RAD51B: variants seen among roughly 807,000 people sequenced by gnomAD.
RAD51B encodes RAD51 paralog B.
In RAD51B, 38 loss-of-function variants were observed where a neutral mutation model predicts 42.2. That is an observed-to-expected ratio of 0.90 (90% CI 0.70 to 1.18). RAD51B has a LOEUF of 1.18. Ranked by LOEUF, RAD51B falls within the 50% of genes most tolerant of loss-of-function variation. RAD51B has a pLI of 0.00. For synonymous variants in RAD51B, 154 were observed against 145.2 expected (o/e 1.06, Z -0.43); for missense variants, 373 against 400.7 (o/e 0.93, Z 0.59).
At chr14:68,501,639 T>C (rs1004954278) in intron 10 of RAD51B, among the ~76,000 whole-genome samples, 1 of 152,192 alleles carries the variant, frequency 6.6e-6, no homozygotes, top group Non-Finnish European at 1.5e-5. Flanking sequence ...TGTTAACCCC[T>C]TGGACTGAGA....
At chr14:68,163,494 G>A (rs1230978584) in intron 7 of RAD51B, among the ~76,000 whole-genome samples, 1 of 152,074 alleles carries the variant, frequency 6.6e-6, no homozygotes, top group Admixed American at 6.6e-5. Flanking sequence ...TGCCTGTCGT[G>A]CCCATTTTTT....
chr14:68,489,981 G>A (rs1000034346), intron 10 of RAD51B, among the ~76,000 whole-genome samples: 13 of 152,200 alleles, frequency 8.5e-5, no homozygotes, highest in African/African-American at 2.9e-4. Context: ...CAGAGATGTG[G>A]TAGAGAAGTG....
chr14:68,403,630 C>T (rs902052189), intron 8 of RAD51B, among the ~76,000 whole-genome samples: 1 of 152,216 alleles, frequency 6.6e-6, no homozygotes, highest in Non-Finnish European at 1.5e-5. Context: ...AGCAGAGAGA[C>T]AGCTCCTTGC....
intron 10 of RAD51B, among the ~76,000 whole-genome samples, chr14:68,522,988 C>A (rs962147180): frequency 2.6e-5 from 4 of 152,258 alleles, no homozygotes; most frequent in African/African-American, 9.6e-5. Context: ...CAAAACAGTT[C>A]TCTGACAGCT....
chr14:68,631,213 G>A (rs1423403760), intron 10 of RAD51B, among the ~76,000 whole-genome samples: 1 of 152,242 alleles, frequency 6.6e-6, no homozygotes, highest in Non-Finnish European at 1.5e-5. Flanking sequence ...AAAGGCGGGT[G>A]TAGTTGGGAT....
chr14:68,003,875 T>A (rs1208916416), intron 7 of RAD51B, among the ~76,000 whole-genome samples: 3 of 152,178 alleles, frequency 2.0e-5, no homozygotes, highest in African/African-American at 7.2e-5. Context: ...TACTTGATTG[T>A]GGTGGATAAA....
At chr14:68,364,545 C>A (rs373403236) in intron 8 of RAD51B, among the ~76,000 whole-genome samples, 2 of 152,324 alleles carry the variant, frequency 1.3e-5, no homozygotes, top group East Asian at 3.9e-4. Context: ...CAGCCCCTTC[C>A]ACTCTCTTTT....
At chr14:68,265,286 T>A (rs2080968249) in intron 7 of RAD51B, among the ~76,000 whole-genome samples, 1 of 152,236 alleles carries the variant, frequency 6.6e-6, no homozygotes, top group Non-Finnish European at 1.5e-5. Flanking sequence ...TAAGATTTAT[T>A]ACTCATTTAT....
chr14:68,395,523 T>A (rs1191568312), intron 8 of RAD51B, among the ~76,000 whole-genome samples: 1 of 152,206 alleles, frequency 6.6e-6, no homozygotes, highest in Non-Finnish European at 1.5e-5. Flanking sequence ...TTCCTTTCCT[T>A]GATGATCAGT....
intron 7 of RAD51B, among the ~76,000 whole-genome samples, chr14:68,122,609 T>G (rs956375664): frequency 1.3e-5 from 2 of 152,206 alleles, no homozygotes; most frequent in Non-Finnish European, 2.9e-5. Flanking sequence ...AATTGTTAGA[T>G]ACAACTTCTG....
chr14:67,862,921 T>C (rs2042209294), intron 4 of RAD51B, among the ~76,000 whole-genome samples: 1 of 152,080 alleles, frequency 6.6e-6, no homozygotes, highest in African/African-American at 2.4e-5. Flanking sequence ...ATTAGTAAAA[T>C]AGTATGTTCA....
At chr14:68,339,340 G>A in intron 8 of RAD51B, 1 of 1,029,614 alleles carries the variant, frequency 9.7e-7, no homozygotes, top group Non-Finnish European at 1.5e-6. Flanking sequence ...CTCTGCCGCT[G>A]CAACCTGATA....
intron 7 of RAD51B, among the ~76,000 whole-genome samples, chr14:68,114,965 A>G (rs1307241965): frequency 6.6e-6 from 1 of 151,102 alleles, no homozygotes; most frequent in Non-Finnish European, 1.5e-5. Context: ...AACTAGTTCA[A>G]CCATTGTGGA....
chr14:67,874,647 G>C (rs11844123), intron 5 of RAD51B, among the ~76,000 whole-genome samples: 1 of 152,048 alleles, frequency 6.6e-6, no homozygotes, highest in Non-Finnish European at 1.5e-5. Context: ...GATTGATCCA[G>C]AGAAGATCTG....
At chr14:67,929,815 G>GT (rs1332598101) in intron 7 of RAD51B, among the ~76,000 whole-genome samples, 9 of 147,994 alleles carry the variant, frequency 6.1e-5, no homozygotes, top group East Asian at 4.0e-4. Context: ...TTTTTTTTGT[G>GT]TTTTTTTGTT....
intron 10 of RAD51B, among the ~76,000 whole-genome samples, chr14:68,542,029 T>C (rs766067240): frequency 6.6e-6 from 1 of 152,220 alleles, no homozygotes; most frequent in Non-Finnish European, 1.5e-5. Flanking sequence ...TTTCCTAATA[T>C]ATTATGTACA....
intron 7 of RAD51B, among the ~76,000 whole-genome samples, chr14:68,080,794 A>C (rs187880717): frequency 4.3e-4 from 65 of 152,326 alleles, no homozygotes; most frequent in African/African-American, 1.5e-3. Context: ...TGATTGAGAA[A>C]AAGAAAAACA....
At chr14:68,376,843 G>A (rs1304302583) in intron 8 of RAD51B, among the ~76,000 whole-genome samples, 1 of 152,162 alleles carries the variant, frequency 6.6e-6, no homozygotes, top group Non-Finnish European at 1.5e-5. Flanking sequence ...ATTATACAAG[G>A]GCCGGAAGTG....
At chr14:67,950,255 G>T (rs1414989530) in intron 7 of RAD51B, among the ~76,000 whole-genome samples, 1 of 152,234 alleles carries the variant, frequency 6.6e-6, no homozygotes, top group East Asian at 1.9e-4. Context: ...TGGAAAATCT[G>T]TCGTTCAGGA....
Sources: allele counts gnomAD v4.1 joint callset (sites outside exome capture counted in the v4.1 genomes callset), GRCh38; gene constraint gnomAD v4.1.1; transcripts MANE v1.5; gene names NCBI Gene and HGNC (gene_info 2026-07-23, HGNC 2026-07-21).